The following COL4A6 variants were observed in gnomAD, a reference collection of about 807,000 sequenced individuals.
COL4A6 encodes collagen alpha-6(IV) chain.
A neutral mutation model predicts 126.7 loss-of-function variants in COL4A6; 59 were observed. The ratio of observed to expected loss-of-function variants is 0.47; its 90% confidence interval spans 0.38 to 0.58. The LOEUF (loss-of-function observed/expected upper bound fraction) is 0.58, where lower values mean the gene tolerates loss of function less well. COL4A6 is among the 20% of genes least tolerant of loss of function. COL4A6 has a pLI of 0.00. For missense variants in COL4A6, 1,285 were observed against 1,337.3 expected (o/e 0.96, Z 0.61); for synonymous variants, 547 against 496.6 (o/e 1.10, Z -1.35).
intron 3 of COL4A6, among the ~76,000 whole-genome samples, chrX:108,289,951 T>G (rs2038118539): frequency 8.9e-6 from 1 of 111,767 alleles, no homozygotes; most frequent in Non-Finnish European, 1.9e-5. Context: ...ACTTACACCA[T>G]GGATATCTGC....
In COL4A6 at chrX:108,175,660, C is replaced by T; in HGVS notation, c.2824G>A (p.Glu942Lys). ...ATTCAATTCCCCAGCTCACCCTTTT[C>T]ACCAGGAGTACCAGCACGTCCAGAT... Reference protein sequence around the residue: ...GPSGRAGTPGEKGDRGNPGPV... With the variant: ...GPSGRAGTPGKKGDRGNPGPV... Residue 942 changes from glutamate (E) to lysine (K), a missense_variant, in exon 29 of 45, where the codon GAA becomes AAA. Glu to Lys is a moderately conservative substitution (Grantham distance 56). Coordinates refer to ENST00000334504, the MANE Select transcript of COL4A6 (RefSeq NM_033641.4). 8.3e-7 allele frequency: 1 copy of T among 1,201,612 alleles called. No individual in the cohort carries two copies. The highest frequency in any genetic ancestry group is 1.1e-6 in the Non-Finnish European group (1 of 891,602).
At chrX:108,318,563 A>C (rs1275780815) in intron 2 of COL4A6, among the ~76,000 whole-genome samples, 1 of 111,339 alleles carries the variant, frequency 9.0e-6, no homozygotes, top group Non-Finnish European at 1.9e-5. Context: ...AATCACAAGC[A>C]TTCTTATACA....
chrX:108,300,071 G>A (rs1016684609), intron 3 of COL4A6, among the ~76,000 whole-genome samples: 1 of 110,937 alleles, frequency 9.0e-6, no homozygotes, highest in Admixed American at 9.6e-5. Flanking sequence ...GTAATTACAG[G>A]AGCTTTTAAC....
chrX:108,317,028 T>C (rs963444533), intron 2 of COL4A6, among the ~76,000 whole-genome samples: 1 of 112,517 alleles, frequency 8.9e-6, no homozygotes, highest in Non-Finnish European at 1.9e-5. Context: ...CAAGCTGCCA[T>C]GTGAACTGTA....
intron 2 of COL4A6, among the ~76,000 whole-genome samples, chrX:108,385,489 A>G (rs1422378153): frequency 9.0e-6 from 1 of 111,542 alleles, no homozygotes; most frequent in Non-Finnish European, 1.9e-5. Flanking sequence ...GAAATTGATC[A>G]GCTGATTCAA....
intron 2 of COL4A6, among the ~76,000 whole-genome samples, chrX:108,343,278 T>G (rs1249889327): frequency 9.6e-6 from 1 of 104,513 alleles, no homozygotes; most frequent in Non-Finnish European, 2.0e-5. Context: ...CTGCTATGTG[T>G]AAGCCACTAA....
intron 3 of COL4A6, among the ~76,000 whole-genome samples, chrX:108,271,496 G>T (rs184649934): frequency 5.4e-5 from 6 of 111,993 alleles, no homozygotes; most frequent in Non-Finnish European, 7.5e-5. Context: ...GGTATTTTAA[G>T]AAATAATATT....
At chrX:108,318,023 C>A (rs2038927280) in intron 2 of COL4A6, among the ~76,000 whole-genome samples, 1 of 111,645 alleles carries the variant, frequency 9.0e-6, no homozygotes, top group Admixed American at 9.5e-5. Flanking sequence ...TTGTTATCCA[C>A]CATGATCAAG....
At chrX:108,369,940 G>A (rs1202248558) in intron 2 of COL4A6, among the ~76,000 whole-genome samples, 1 of 112,250 alleles carries the variant, frequency 8.9e-6, no homozygotes, top group Non-Finnish European at 1.9e-5. Context: ...TGGCCGACTG[G>A]ATTTGGCTGC....
In COL4A6 at chrX:108,289,242, AGTGTGTGTGTGTGTGT is replaced by A. The variant is rs34639525; in HGVS notation, c.144+21490_144+21505del. ...TATATTTCCCAAGAGCAATGAGTAT[AGTGTGTGTGTGTGTGT>A]GTGTGTGTGTGTGTGTGTGTGTGTG... is the stretch of plus-strand genomic sequence containing the variant. On this transcript the variant is annotated intron_variant, in intron 3 of 44. Coordinates refer to ENST00000334504, the MANE Select transcript of COL4A6 (RefSeq NM_033641.4). 4.3e-4 allele frequency among the ~76,000 whole-genome samples: 39 copies of A among 91,331 alleles called. 1 individual carries two copies. In the South Asian group the frequency reaches 0.014, roughly 33 times the overall value. The allele number at this position is 91,331 out of a possible 115,157, so 79.3% of individuals were successfully genotyped here.
At chrX:108,173,470 G>T (rs923821265) in intron 31 of COL4A6, among the ~76,000 whole-genome samples, 3 of 74,490 alleles carry the variant, frequency 4.0e-5, no homozygotes, top group Admixed American at 2.8e-4. Flanking sequence ...AGGTGTGTGT[G>T]TGTGTGTGTG....
intron 2 of COL4A6, among the ~76,000 whole-genome samples, chrX:108,320,729 T>C (rs1200779502): frequency 8.9e-6 from 1 of 112,086 alleles, no homozygotes; most frequent in Admixed American, 9.4e-5. Context: ...GCACAGTAAA[T>C]GGTTGTTGAA....
Position 108,220,538 on chromosome X carries a change from C to T in COL4A6, c.279+702G>A, listed in dbSNP as rs773405372. Among the ~76,000 whole-genome samples, 8 of 111,899 alleles carry T rather than the reference C, an allele frequency of 7.1e-5. No homozygotes were observed. The East Asian group carries it at 8.5e-4, about 12-fold the overall frequency. Reference sequence around the variant, plus strand: ...CCTGCCACCATGACATTATCACTCTCGTTTCTTGCAGCTCTTTCCCTATAT... The same window carrying T: ...CCTGCCACCATGACATTATCACTCTTGTTTCTTGCAGCTCTTTCCCTATAT... On this transcript the variant is annotated intron_variant, in intron 4 of 44. Coordinates refer to ENST00000334504, the MANE Select transcript of COL4A6 (RefSeq NM_033641.4).
At chrX:108,269,590 G>GT (rs1483372531) in intron 3 of COL4A6, among the ~76,000 whole-genome samples, 2 of 111,333 alleles carry the variant, frequency 1.8e-5, no homozygotes, top group African/African-American at 6.5e-5. Context: ...GTCAGGGAAG[G>GT]GCTAACAGAA....
chrX:108,397,409 G>T (rs1204407210), intron 2 of COL4A6, among the ~76,000 whole-genome samples: 1 of 111,004 alleles, frequency 9.0e-6, no homozygotes, highest in Non-Finnish European at 1.9e-5. Flanking sequence ...CTTAAATATA[G>T]TCAGGCGTGC....
chrX:108,260,365 T>C (rs752734794), intron 3 of COL4A6, among the ~76,000 whole-genome samples: 24 of 111,355 alleles, frequency 2.2e-4, no homozygotes, highest in African/African-American at 7.8e-4. Flanking sequence ...GTGAATGATA[T>C]GGTTTGGCTC....
At chrX:108,174,970 C>T in intron 30 of COL4A6, 120 bp downstream of exon 30, 1 of 939,326 alleles carries the variant, frequency 1.1e-6, no homozygotes, top group Non-Finnish European at 1.4e-6. Context: ...GCCAGCCACA[C>T]TGCTGCTCTG....
At chrX:108,263,106 A>T (rs2037209948) in intron 3 of COL4A6, among the ~76,000 whole-genome samples, 1 of 111,251 alleles carries the variant, frequency 9.0e-6, no homozygotes, top group South Asian at 3.8e-4. Context: ...AACAAGGTTC[A>T]GGGAACAGAA....
At chrX:108,393,629 AG>A (rs1478958421) in intron 2 of COL4A6, among the ~76,000 whole-genome samples, 1 of 112,693 alleles carries the variant, frequency 8.9e-6, no homozygotes, top group Non-Finnish European at 1.9e-5. Flanking sequence ...AAGTGAATTC[AG>A]TGGTACAGTA....
Sources: allele counts gnomAD v4.1 joint callset (sites outside exome capture counted in the v4.1 genomes callset), GRCh38; gene constraint gnomAD v4.1.1; transcripts MANE v1.5; gene names NCBI Gene and HGNC (gene_info 2026-07-23, HGNC 2026-07-21).